The following HTR2C variants were observed in gnomAD, a reference collection of about 807,000 sequenced individuals.
HTR2C encodes the protein 5-hydroxytryptamine (serotonin) receptor 2C, G protein-coupled.
Under a neutral mutation model 21.0 loss-of-function variants are expected in HTR2C, and 5 were observed. The ratio of observed to expected loss-of-function variants is 0.24; its 90% CI spans 0.12 to 0.50. The LOEUF (loss-of-function observed/expected upper bound fraction) is 0.50, where lower values mean the gene tolerates loss of function less well. Among genes scored for constraint, HTR2C ranks in the 20% least tolerant of loss-of-function variants. The pLI is 0.98. For synonymous variants in HTR2C, 150 were observed against 145.3 expected (o/e 1.03, Z -0.23); for missense variants, 271 against 371.2 (o/e 0.73, Z 2.22).
In HTR2C at chrX:114,626,401, AG is replaced by A. The variant is rs1458997936; in HGVS notation, c.-80+12521del. On this transcript the variant is annotated intron_variant, in intron 2 of 5. Coordinates refer to ENST00000276198, the MANE Select transcript of HTR2C (RefSeq NM_000868.4). ...GAGACCCTGTCACAAAAAAAAAAAAAGAAAAAAAGAAAGAAATATGGAACTG... is the reference window on the plus strand; with the variant it reads ...GAGACCCTGTCACAAAAAAAAAAAAAAAAAAAAGAAAGAAATATGGAACTG... 4.0e-3 allele frequency among the ~76,000 whole-genome samples: 12 copies of A among 3,016 alleles called. No homozygotes were observed. The Admixed American group carries it at 0.072, about 18-fold the overall frequency. The allele number at this position is 3,016 out of a possible 115,157, so 2.6% of individuals were successfully genotyped here.
At chrX:114,702,256 T>G (rs1334917371) in intron 2 of HTR2C, among the ~76,000 whole-genome samples, 1 of 107,908 alleles carries the variant, frequency 9.3e-6, no homozygotes, top group African/African-American at 3.4e-5. Flanking sequence ...GACACATAAT[T>G]GTCAGATTCA....
At chrX:114,850,595 T>G (rs933512601) in intron 5 of HTR2C, among the ~76,000 whole-genome samples, 1 of 111,096 alleles carries the variant, frequency 9.0e-6, no homozygotes, top group Admixed American at 9.6e-5. Context: ...TGAACTCAAG[T>G]GTCTTGAGGT....
At chrX:114,742,510 AAATC>A (rs1294628923) in intron 4 of HTR2C, among the ~76,000 whole-genome samples, 7 of 110,962 alleles carry the variant, frequency 6.3e-5, no homozygotes, top group African/African-American at 2.0e-4. Flanking sequence ...AATGCCTACT[AAATC>A]AAACAAGTAA....
At chrX:114,633,605 A>G (rs1269148414) in intron 2 of HTR2C, among the ~76,000 whole-genome samples, 6 of 111,410 alleles carry the variant, frequency 5.4e-5, no homozygotes, top group Admixed American at 9.6e-5. Flanking sequence ...AATTGTATCT[A>G]TGGACTATTC....
chrX:114,718,954 A>G (rs1394348129), intron 2 of HTR2C, among the ~76,000 whole-genome samples: 2 of 89,851 alleles, frequency 2.2e-5, no homozygotes, highest in African/African-American at 8.7e-5. Flanking sequence ...AAATTATATT[A>G]ATATTAATAT....
At chrX:114,692,265 C>T (rs1932127907) in intron 2 of HTR2C, among the ~76,000 whole-genome samples, 1 of 111,615 alleles carries the variant, frequency 9.0e-6, no homozygotes, top group Non-Finnish European at 1.9e-5. Context: ...AATACTTATT[C>T]CTGCCCACTC....
intron 2 of HTR2C, among the ~76,000 whole-genome samples, chrX:114,638,942 T>C (rs1449504769): frequency 9.0e-6 from 1 of 110,525 alleles, no homozygotes; most frequent in Non-Finnish European, 1.9e-5. Flanking sequence ...ACATTTGGAT[T>C]GGTTCCAAGT....
At chrX:114,715,481 T>C (rs1556419688) in intron 2 of HTR2C, 2 of 222,701 alleles carry the variant, frequency 9.0e-6, no homozygotes, top group East Asian at 2.8e-4. Flanking sequence ...TGTATTTTAG[T>C]ATGCAACTAA....
intron 4 of HTR2C, among the ~76,000 whole-genome samples, chrX:114,755,239 T>TAA (rs58933362): frequency 7.9e-5 from 6 of 76,383 alleles, no homozygotes; most frequent in East Asian, 4.1e-4. Flanking sequence ...AGACTTCATC[T>TAA]AAAAAAAAAA....
chrX:114,715,228 T>C (rs369385533), intron 2 of HTR2C: 2 of 356,205 alleles, frequency 5.6e-6, no homozygotes, highest in Non-Finnish European at 5.7e-6. Context: ...GAAGAGCTGT[T>C]GGAGAGACGA....
chrX:114,806,844 CACCATATATAT>C (rs1476186059), intron 4 of HTR2C, among the ~76,000 whole-genome samples: 3 of 99,875 alleles, frequency 3.0e-5, no homozygotes, highest in Non-Finnish European at 4.0e-5. Context: ...CACATATATA[CACCATATATAT>C]ACCGTATATA....
At chrX:114,895,877 A>G (rs1325699768) in intron 5 of HTR2C, among the ~76,000 whole-genome samples, 1 of 109,900 alleles carries the variant, frequency 9.1e-6, no homozygotes, top group East Asian at 2.9e-4. Context: ...AATCCCAGCA[A>G]CTTGGGATGC....
chrX:114,799,947 T>A (rs2070330315), intron 4 of HTR2C, among the ~76,000 whole-genome samples: 1 of 111,519 alleles, frequency 9.0e-6, no homozygotes, highest in South Asian at 3.7e-4. Context: ...ATTAATTTGT[T>A]CATTTATTAA....
At chrX:114,890,264 G>A (rs973519051) in intron 5 of HTR2C, among the ~76,000 whole-genome samples, 1 of 111,894 alleles carries the variant, frequency 8.9e-6, no homozygotes, top group Non-Finnish European at 1.9e-5. Flanking sequence ...CTTTGAAAAC[G>A]TATAGTTGCA....
intron 2 of HTR2C, among the ~76,000 whole-genome samples, chrX:114,726,521 C>T (rs375582225): frequency 1.4e-4 from 16 of 112,564 alleles, no homozygotes; most frequent in East Asian, 1.4e-3. Flanking sequence ...TGTTCCTCTT[C>T]GGCCATCTTG....
At chrX:114,700,037 T>C (rs933365442) in intron 2 of HTR2C, among the ~76,000 whole-genome samples, 8 of 112,062 alleles carry the variant, frequency 7.1e-5, no homozygotes, top group Admixed American at 5.7e-4. Context: ...GATCTCTTCA[T>C]TTCATTCTAG....
At chrX:114,867,961 T>C (rs1229264429) in intron 5 of HTR2C, among the ~76,000 whole-genome samples, 2 of 111,932 alleles carry the variant, frequency 1.8e-5, no homozygotes, top group Non-Finnish European at 3.8e-5. Flanking sequence ...TTTAGTTCTT[T>C]TGCTTAGGAT....
chrX:114,805,911 T>G (rs1344945547), intron 4 of HTR2C, among the ~76,000 whole-genome samples: 2 of 94,482 alleles, frequency 2.1e-5, no homozygotes, highest in Non-Finnish European at 4.2e-5. Context: ...ATCATATATA[T>G]ACCATATATA....
At chrX:114,705,349 C>G (rs1330990667) in intron 2 of HTR2C, among the ~76,000 whole-genome samples, 3 of 110,971 alleles carry the variant, frequency 2.7e-5, no homozygotes, top group African/African-American at 9.8e-5. Context: ...GGTACTGGCA[C>G]CAAAACAGAG....
Sources: gnomAD v4.1 joint callset for allele counts (sites outside exome capture counted in the v4.1 genomes callset) on GRCh38, gnomAD v4.1.1 for gene constraint, MANE v1.5 for transcripts, NCBI Gene and HGNC (gene_info 2026-07-23, HGNC 2026-07-21) for gene names.